ADAM23: variants seen among roughly 807,000 people sequenced by gnomAD.
ADAM23 encodes the protein ADAM metallopeptidase domain 23.
ADAM23 carries 33 observed loss-of-function variants against 120.1 expected under a neutral mutation model. The ratio of observed to expected loss-of-function variants is 0.27; its 90% CI spans 0.21 to 0.37. ADAM23 has a LOEUF of 0.37. ADAM23 is among the 10% of genes least tolerant of loss of function. The pLI, the probability that ADAM23 is intolerant of heterozygous loss-of-function variation, is 1.00. For missense variants in ADAM23, 862 were observed against 1,058.2 expected, an observed-to-expected ratio of 0.81 and a Z score of 2.57; for synonymous variants, 367 against 375.2, an observed-to-expected ratio of 0.98 and a Z score of 0.25.
Position 206,443,595 on chromosome 2 carries a change from T to G in ADAM23, c.-272T>G, listed in dbSNP as rs1363239255. 1 of 142,592 alleles carries G rather than the reference T, an allele frequency of 7.0e-6. No homozygotes were observed. Among genetic ancestry groups the G allele is most frequent in the Non-Finnish European group, 1.6e-5 (1 of 64,460 alleles). 8.8% of individuals were successfully genotyped at this position (142,592 alleles called of 1,614,324 possible). On this transcript the variant is annotated 5_prime_UTR_variant, in exon 1 of 26. Transcript: ENST00000264377. ...CGGCCGCGCCCGCCGGGGGAGGGAG[T>G]AGCCGCTGGGGAGGCTCCAAGTTGG...
chr2:206,461,177 T>C (rs2105859482), intron 2 of ADAM23, among the ~76,000 whole-genome samples: 1 of 151,186 alleles, frequency 6.6e-6, no homozygotes, highest in East Asian at 2.0e-4. Flanking sequence ...TTCTCCTGCC[T>C]CAACCTCCTG....
chr2:206,460,818 C>T lies in ADAM23; in HGVS notation c.432+15294C>T, dbSNP rs1695401980. 2.0e-5 allele frequency among the ~76,000 whole-genome samples: 3 copies of T among 152,168 alleles called. No individual in the cohort carries two copies. In the South Asian group the frequency reaches 6.2e-4, roughly 32 times the overall value. The stretch of plus-strand genomic sequence containing the variant: ...ATATTCAAGAAATCATTGCCAAATC[C>T]TATGTTATGAAGGTTTTCCCCTCTG... On this transcript the variant is annotated intron_variant, in intron 2 of 25. Coordinates refer to ENST00000264377, the MANE Select transcript of ADAM23 (RefSeq NM_003812.4).
intron 9 of ADAM23, among the ~76,000 whole-genome samples, chr2:206,555,984 A>G (rs1278958384): frequency 2.0e-5 from 3 of 152,188 alleles, no homozygotes; most frequent in Non-Finnish European, 4.4e-5. Context: ...TCTTTATGCC[A>G]AGTTTACAAA....
chr2:206,533,605 A>G (rs1697115768), intron 4 of ADAM23, among the ~76,000 whole-genome samples: 2 of 152,254 alleles, frequency 1.3e-5, no homozygotes, highest in Admixed American at 6.5e-5. Context: ...CTATTTGGCT[A>G]TGAAGTTAAA....
At chr2:206,601,786 A>AG in intron 24 of ADAM23, among the ~76,000 whole-genome samples, 1 of 151,996 alleles carries the variant, frequency 6.6e-6, no homozygotes, top group East Asian at 1.9e-4. Flanking sequence ...AAAAAAAAAA[A>AG]AAAGCTGAAT....
At position 206,443,558 on chromosome 2, in the gene ADAM23, C is replaced by CA. The variant is rs1387399449; in HGVS notation, c.-308dup. On this transcript the variant is annotated 5_prime_UTR_variant, in exon 1 of 26. Coordinates refer to ENST00000264377, the MANE Select transcript of ADAM23 (RefSeq NM_003812.4). ...TCCTCAGGCCCGGCGGCAGCCCCCGCAGTCGCTGAAGCGGCCGCGCCCGCC... is the reference window on the plus strand; with the variant it reads ...TCCTCAGGCCCGGCGGCAGCCCCCGCAAGTCGCTGAAGCGGCCGCGCCCGCC... 1 of 137,518 alleles carries CA rather than the reference C, an allele frequency of 7.3e-6. No individual in the cohort carries two copies. Among genetic ancestry groups the CA allele is most frequent in the Non-Finnish European group, 1.6e-5 (1 of 61,084 alleles). The allele number at this position is 137,518 out of a possible 1,614,324, so 8.5% of individuals were successfully genotyped here.
rs543018642 is a variant in ADAM23 at position 206,588,805 on chromosome 2, A to G, written c.1853-604A>G. Among the ~76,000 whole-genome samples the G allele has an allele frequency of 7.2e-5, 11 of 152,374 alleles. No individual in the cohort carries two copies. The East Asian group carries it at 2.1e-3, about 29-fold the overall frequency. On this transcript the variant is annotated intron_variant, in intron 20 of 25. Coordinates refer to ENST00000264377, the MANE Select transcript of ADAM23 (RefSeq NM_003812.4). ...GGTTCACCCCAAAGGAAAAGAAAGCACACAGAATGAGAACAGGGCTCTGGC... is the reference window on the plus strand; with the variant it reads ...GGTTCACCCCAAAGGAAAAGAAAGCGCACAGAATGAGAACAGGGCTCTGGC...
chr2:206,504,877 T>C (rs1294186004), intron 3 of ADAM23, among the ~76,000 whole-genome samples: 4 of 152,208 alleles, frequency 2.6e-5, no homozygotes, highest in African/African-American at 7.2e-5. Context: ...CTGTAGATTA[T>C]GTATGTGGAA....
At chr2:206,537,617 A>G (rs550746085) in intron 4 of ADAM23, among the ~76,000 whole-genome samples, 7 of 151,890 alleles carry the variant, frequency 4.6e-5, no homozygotes, top group Non-Finnish European at 1.0e-4. Context: ...TTTTCAGACT[A>G]TTTTTTAAAT....
chr2:206,528,534 T>C (rs1696985874), intron 3 of ADAM23, among the ~76,000 whole-genome samples: 1 of 152,176 alleles, frequency 6.6e-6, no homozygotes, highest in Admixed American at 6.5e-5. Context: ...ACACAGGACA[T>C]ACGCAGGACA....
intron 2 of ADAM23, among the ~76,000 whole-genome samples, chr2:206,463,580 A>G (rs1244214695): frequency 1.3e-5 from 2 of 152,250 alleles, no homozygotes; most frequent in Admixed American, 6.5e-5. Context: ...AATGACTACT[A>G]TTCTTTGTCC....
chr2:206,445,123 C>T (rs563933471), intron 1 of ADAM23, among the ~76,000 whole-genome samples, 184 bp from the exon 2 acceptor site: 1 of 152,006 alleles, frequency 6.6e-6, no homozygotes, highest in African/African-American at 2.4e-5. Flanking sequence ...CTTCTCCAGG[C>T]CATTTTATTG....
chr2:206,553,187 G>A (rs1191893098), intron 9 of ADAM23, among the ~76,000 whole-genome samples: 1 of 152,024 alleles, frequency 6.6e-6, no homozygotes, highest in Non-Finnish European at 1.5e-5. Context: ...AGACCAGCCT[G>A]GCCAACATGG....
At chr2:206,505,325 A>G (rs2105896271) in intron 3 of ADAM23, among the ~76,000 whole-genome samples, 1 of 152,330 alleles carries the variant, frequency 6.6e-6, no homozygotes, top group East Asian at 1.9e-4. Context: ...AAAGTGCCTT[A>G]TATGAGCTAA....
intron 20 of ADAM23, among the ~76,000 whole-genome samples, 172 bp from the exon 21 acceptor site, chr2:206,589,237 G>T (rs1188244587): frequency 6.6e-6 from 1 of 152,200 alleles, no homozygotes; most frequent in African/African-American, 2.4e-5. Flanking sequence ...CACATTGAGT[G>T]TGAAATCAGC....
At chr2:206,577,319 A>C (rs1458952740) in intron 18 of ADAM23, among the ~76,000 whole-genome samples, 1 of 147,722 alleles carries the variant, frequency 6.8e-6, no homozygotes. Context: ...TGTGCAGGTT[A>C]GTTACATATG....
intron 3 of ADAM23, among the ~76,000 whole-genome samples, chr2:206,516,217 AT>A (rs1162660799): frequency 1.3e-5 from 2 of 150,928 alleles, no homozygotes; most frequent in Non-Finnish European, 3.0e-5. Flanking sequence ...TACATGGAAG[AT>A]TTGGGCATTT....
intron 24 of ADAM23, among the ~76,000 whole-genome samples, chr2:206,599,060 C>A (rs1444489288): frequency 1.3e-5 from 2 of 151,694 alleles, no homozygotes; most frequent in Admixed American, 1.3e-4. Context: ...CAAAAATTAG[C>A]CGGGCATGGT....
chr2:206,467,646 T>C (rs1479163342), intron 2 of ADAM23, among the ~76,000 whole-genome samples: 1 of 152,172 alleles, frequency 6.6e-6, no homozygotes, highest in African/African-American at 2.4e-5. Context: ...CTGGTGGATG[T>C]ACCATTTTGA....
Sources: gnomAD v4.1 joint callset for allele counts (sites outside exome capture counted in the v4.1 genomes callset) on GRCh38, gnomAD v4.1.1 for gene constraint, MANE v1.5 for transcripts, NCBI Gene and HGNC (gene_info 2026-07-23, HGNC 2026-07-21) for gene names.